Variants in DOCK1 observed in about 807,000 individuals in gnomAD.
DOCK1 encodes the protein dedicator of cytokinesis 1, also known as dedicator of cytokinesis protein 1.
A neutral mutation model predicts 262.7 loss-of-function variants in DOCK1; 138 were observed. The observed-to-expected ratio is 0.53, with a 90% confidence interval of 0.46 to 0.61. DOCK1 has a LOEUF of 0.61. Ranked by LOEUF, DOCK1 falls within the 20% of genes least tolerant of loss-of-function variation. The pLI is 0.00. For missense variants in DOCK1, 1,908 were observed against 2,370.7 expected (o/e 0.80, Z 4.05); for synonymous variants, 866 against 867.4 (o/e 1.00, Z 0.03).
intron 29 of DOCK1, among the ~76,000 whole-genome samples, chr10:127,299,696 GC>G (rs2061618933): frequency 6.6e-6 from 1 of 152,120 alleles, no homozygotes. Flanking sequence ...CACTTGTCAT[GC>G]CAGCCCCAGG....
intron 23 of DOCK1, among the ~76,000 whole-genome samples, chr10:127,084,000 A>G (rs1169739880): frequency 6.6e-6 from 1 of 152,230 alleles, no homozygotes; most frequent in African/African-American, 2.4e-5. Flanking sequence ...CTAAAAAATT[A>G]ATATTTGTAA....
At chr10:126,938,258 G>C (rs1386945672) in intron 1 of DOCK1, among the ~76,000 whole-genome samples, 3 of 152,116 alleles carry the variant, frequency 2.0e-5, no homozygotes, top group Non-Finnish European at 4.4e-5. Context: ...ATGTTGGTCA[G>C]GCTTGTCTCA....
At chr10:127,301,135 G>A (rs962459775) in intron 29 of DOCK1, among the ~76,000 whole-genome samples, 4 of 152,190 alleles carry the variant, frequency 2.6e-5, no homozygotes, top group Non-Finnish European at 5.9e-5. Flanking sequence ...GAGGATTTGT[G>A]AAGCTTTTTC....
chr10:127,067,673 A>C (rs1479074390), intron 23 of DOCK1, among the ~76,000 whole-genome samples: 1 of 152,174 alleles, frequency 6.6e-6, no homozygotes, highest in Admixed American at 6.5e-5. Flanking sequence ...AGTTAAAAAA[A>C]AATTGCTGGT....
At chr10:127,185,098 C>T (rs2056105947) in intron 27 of DOCK1, among the ~76,000 whole-genome samples, 1 of 152,202 alleles carries the variant, frequency 6.6e-6, no homozygotes, top group Admixed American at 6.5e-5. Flanking sequence ...TGTGCAAGAG[C>T]AGGCCTGAAG....
At chr10:127,026,081 A>G (rs2042835697) in intron 15 of DOCK1, 1 of 355,642 alleles carries the variant, frequency 2.8e-6, no homozygotes, top group East Asian at 7.9e-5. Flanking sequence ...AAGAAAGAAA[A>G]AAGAATCTTA....
intron 27 of DOCK1, among the ~76,000 whole-genome samples, chr10:127,172,245 G>A (rs2054643259): frequency 6.6e-6 from 1 of 152,180 alleles, no homozygotes; most frequent in Non-Finnish European, 1.5e-5. Flanking sequence ...GGTGCTGAGT[G>A]GAGCAGAGTG....
intron 25 of DOCK1, among the ~76,000 whole-genome samples, chr10:127,119,135 C>T (rs1398759203): frequency 7.9e-5 from 12 of 152,056 alleles, no homozygotes; most frequent in Admixed American, 7.9e-4. Flanking sequence ...GCTCCGTCTC[C>T]CAGGTTCACG....
At chr10:127,420,174 C>T (rs2068414567) in intron 46 of DOCK1, among the ~76,000 whole-genome samples, 2 of 152,166 alleles carry the variant, frequency 1.3e-5, no homozygotes, top group African/African-American at 2.4e-5. Context: ...CCCTGTTCTC[C>T]GTGCACCTCT....
intron 29 of DOCK1, among the ~76,000 whole-genome samples, chr10:127,298,747 C>G (rs2061584596): frequency 6.6e-6 from 1 of 152,178 alleles, no homozygotes; most frequent in East Asian, 1.9e-4. Context: ...TTACAAAGCC[C>G]AGGGCCTGCA....
intron 1 of DOCK1, among the ~76,000 whole-genome samples, chr10:126,956,164 C>T (rs2036723376): frequency 1.3e-5 from 2 of 152,222 alleles, no homozygotes; most frequent in African/African-American, 4.8e-5. Flanking sequence ...TGCCTGGGAA[C>T]AAGAGGGCTA....
At chr10:127,435,949 A>T (rs922529077) in intron 48 of DOCK1, among the ~76,000 whole-genome samples, 5 of 152,320 alleles carry the variant, frequency 3.3e-5, no homozygotes, top group East Asian at 1.9e-4. Flanking sequence ...TTGTATACGC[A>T]TCAGGATTTC....
chr10:127,308,498 A>G (rs1486636397), intron 29 of DOCK1, among the ~76,000 whole-genome samples: 2 of 152,212 alleles, frequency 1.3e-5, no homozygotes, highest in African/African-American at 2.4e-5. Context: ...TACATTTGCC[A>G]TGGAGGTTTG....
chr10:127,441,440 G>A (rs1033439509), intron 49 of DOCK1, among the ~76,000 whole-genome samples: 3 of 152,212 alleles, frequency 2.0e-5, no homozygotes, highest in African/African-American at 7.2e-5. Context: ...ACCAGGAGGC[G>A]GAGAATCCGA....
intron 29 of DOCK1, among the ~76,000 whole-genome samples, chr10:127,265,479 C>G (rs2135113022): frequency 6.6e-6 from 1 of 152,210 alleles, no homozygotes; most frequent in South Asian, 2.1e-4. Flanking sequence ...ATCTCTTGAC[C>G]TCATTTTGAC....
At chr10:127,062,516 C>G (rs1337430276) in intron 23 of DOCK1, among the ~76,000 whole-genome samples, 2 of 152,182 alleles carry the variant, frequency 1.3e-5, no homozygotes, top group African/African-American at 4.8e-5. Context: ...AGCTTTGTAT[C>G]AAAGTGGACT....
At chr10:126,998,695 A>T (rs1366969846) in intron 8 of DOCK1, 4 of 162,154 alleles carry the variant, frequency 2.5e-5, no homozygotes, top group African/African-American at 9.6e-5. Context: ...CATCATTTAG[A>T]ATGGTGCCTG....
At position 127,311,868 on chromosome 10, in the gene DOCK1, A is replaced by T. The variant is rs528936723; in HGVS notation, c.3045-27138A>T. ...CATGTACCTGTTTTTTATTTTTTTT[A>T]TTTTTATTTTTTTTGAGATGGAGTC... On this transcript the variant is annotated intron_variant, in intron 29 of 51. Transcript: ENST00000623213. Among the ~76,000 whole-genome samples, 61 of 151,302 alleles carry T rather than the reference A, an allele frequency of 4.0e-4. 1 individual carries two copies. Among genetic ancestry groups the T allele is most frequent in the Non-Finnish European group, 7.1e-4 (48 of 67,808 alleles).
chr10:127,043,460 G>C (rs923738055), intron 21 of DOCK1, among the ~76,000 whole-genome samples: 2 of 152,234 alleles, frequency 1.3e-5, no homozygotes, highest in African/African-American at 2.4e-5. Flanking sequence ...TGGATGCGGA[G>C]TGTCTGACAC....
Sources: gnomAD v4.1 joint callset for allele counts (sites outside exome capture counted in the v4.1 genomes callset) on GRCh38, gnomAD v4.1.1 for gene constraint, MANE v1.5 for transcripts, NCBI Gene and HGNC (gene_info 2026-07-23, HGNC 2026-07-21) for gene names.